ITGB8: variants seen among roughly 807,000 people sequenced by gnomAD.
The protein encoded by ITGB8 is integrin beta-8.
Under a neutral mutation model 89.5 loss-of-function variants are expected in ITGB8, and 30 were observed. That is an observed-to-expected ratio of 0.34 (90% CI 0.25 to 0.45). The LOEUF is 0.45. Among genes scored for constraint, ITGB8 ranks in the 20% least tolerant of loss-of-function variants. ITGB8 has a pLI of 1.00. For missense variants in ITGB8, 836 were observed against 933.3 expected, an observed-to-expected ratio of 0.90 and a Z score of 1.36; for synonymous variants, 335 against 320.4, an observed-to-expected ratio of 1.05 and a Z score of -0.49.
chr7:20,363,670 C>T lies in ITGB8; in HGVS notation c.161C>T (p.Ser54Phe). 1 of 1,604,570 alleles carries T rather than the reference C, an allele frequency of 6.2e-7. No homozygotes were observed. Among genetic ancestry groups the T allele is most frequent in the Non-Finnish European group, 8.5e-7 (1 of 1,177,006 alleles). The change falls in exon 2 of 14, where the codon TCC becomes TTC. Residue 54 changes from serine to phenylalanine, a missense_variant. Ser to Phe is a radical substitution (Grantham distance 155). This residue lies in a region of ITGB8 where 182 missense variants were observed against 177.0 expected (regional missense o/e 1.03). Transcript: ENST00000222573. Reference sequence around the variant, plus strand: ...AGATGTGCATCTTCAAATGCAGCATCCTGTGCCAGGTGCCTTGCGCTGGGT... The same window carrying T: ...AGATGTGCATCTTCAAATGCAGCATTCTGTGCCAGGTGCCTTGCGCTGGGT... Reference protein sequence around the residue: ...DNRCASSNAASCARCLALGPE... With the variant: ...DNRCASSNAAFCARCLALGPE...
chr7:20,346,220 A>G (rs1461531757), intron 1 of ITGB8, among the ~76,000 whole-genome samples: 2 of 152,184 alleles, frequency 1.3e-5, no homozygotes, highest in Admixed American at 1.3e-4. Flanking sequence ...TCATGAGGTC[A>G]GGGGAAGACA....
intron 3 of ITGB8, among the ~76,000 whole-genome samples, chr7:20,367,656 A>G (rs1785755906): frequency 6.6e-6 from 1 of 150,966 alleles, no homozygotes; most frequent in African/African-American, 2.4e-5. Flanking sequence ...TGTGATTAAA[A>G]GTTTATTACA....
At chr7:20,405,874 A>G (rs377354702) in intron 11 of ITGB8, among the ~76,000 whole-genome samples, 188 bp from the exon 12 acceptor site, 3 of 152,180 alleles carry the variant, frequency 2.0e-5, no homozygotes, top group Non-Finnish European at 4.4e-5. Flanking sequence ...AGAATTATGC[A>G]TGGTAATTTA....
At chr7:20,370,161 C>G (rs895936498) in intron 3 of ITGB8, among the ~76,000 whole-genome samples, 2 of 151,694 alleles carry the variant, frequency 1.3e-5, no homozygotes, top group Non-Finnish European at 2.9e-5. Flanking sequence ...AACCAGAGAG[C>G]TGGTTCTCTG....
chr7:20,352,529 A>C (rs145159080), intron 1 of ITGB8: 2 of 152,352 alleles, frequency 1.3e-5, no homozygotes, highest in African/African-American at 4.8e-5. Context: ...TCCACATCAA[A>C]TATACATGTA....
Position 20,355,709 on chromosome 7 carries a change from T to C in ITGB8, c.128-7928T>C, listed in dbSNP as rs79370739. Among the ~76,000 whole-genome samples the C allele has an allele frequency of 2.6e-4, 40 of 152,316 alleles. No individual in the cohort carries two copies. In the East Asian group the frequency reaches 7.7e-3, roughly 29 times the overall value. On this transcript the variant is annotated intron_variant, in intron 1 of 13. Transcript: ENST00000222573. Reference sequence around the variant, plus strand: ...GTCTGAATGCTTGTTTGCTACAAGTTTGAAACAAATTAAACACTGTGCTGT... The same window carrying C: ...GTCTGAATGCTTGTTTGCTACAAGTCTGAAACAAATTAAACACTGTGCTGT...
intron 6 of ITGB8, among the ~76,000 whole-genome samples, chr7:20,385,509 C>T (rs991198756): frequency 1.3e-5 from 2 of 152,144 alleles, no homozygotes; most frequent in Non-Finnish European, 2.9e-5. Context: ...TTCCTGCAGG[C>T]TCATTTGGAT....
intron 6 of ITGB8, among the ~76,000 whole-genome samples, chr7:20,391,197 A>T (rs1042981089): frequency 6.6e-6 from 1 of 152,040 alleles, no homozygotes; most frequent in African/African-American, 2.4e-5. Context: ...TTTAAGTTAC[A>T]GGTTTTTATG....
At chr7:20,363,754 G>A (rs752590355) in intron 2 of ITGB8, 32 bp downstream of exon 2, 1 of 1,346,882 alleles carries the variant, frequency 7.4e-7, no homozygotes, top group Non-Finnish European at 1.0e-6. Flanking sequence ...TTTTCTCATG[G>A]TTGACTTGAG....
Position 20,415,754 on chromosome 7 carries a change from A to G in ITGB8, c.*5757A>G, listed in dbSNP as rs567301525. On this transcript the variant is annotated 3_prime_UTR_variant, in exon 14 of 14. Coordinates refer to ENST00000222573, the MANE Select transcript of ITGB8 (RefSeq NM_002214.3). ...TTTAAAATAAAAATGTAAAAATCTA[A>G]GAATATGCAAAACGCTTCCTTATTT... 2 of 152,376 alleles carry G rather than the reference A, an allele frequency of 1.3e-5. No homozygotes were observed. The highest frequency in any genetic ancestry group is 4.1e-4 in the South Asian group (2 of 4,828). 9.4% of individuals were successfully genotyped at this position (152,376 alleles called of 1,614,324 possible).
chr7:20,361,095 T>C (rs1785485529), intron 1 of ITGB8, among the ~76,000 whole-genome samples: 1 of 152,154 alleles, frequency 6.6e-6, no homozygotes, highest in African/African-American at 2.4e-5. Context: ...TGCATTTCTC[T>C]AATGATCGGT....
intron 7 of ITGB8, 31 bp from the exon 8 acceptor site, chr7:20,394,865 A>C (rs1787006965): frequency 6.9e-7 from 1 of 1,447,058 alleles, no homozygotes; most frequent in Admixed American, 1.7e-5. Flanking sequence ...TACTATTGTC[A>C]TTGTTTAAAT....
At chr7:20,386,662 G>C (rs1055136445) in intron 6 of ITGB8, among the ~76,000 whole-genome samples, 1 of 151,948 alleles carries the variant, frequency 6.6e-6, no homozygotes, top group African/African-American at 2.4e-5. Flanking sequence ...TATTTAGTAG[G>C]AATTGTTTTA....
chr7:20,345,299 A>G (rs1784885986), intron 1 of ITGB8, among the ~76,000 whole-genome samples: 1 of 152,222 alleles, frequency 6.6e-6, no homozygotes, highest in East Asian at 1.9e-4. Context: ...AAGTGTGTGG[A>G]AAGTACCATT....
At chr7:20,377,573 G>A (rs1158003761) in intron 3 of ITGB8, among the ~76,000 whole-genome samples, 1 of 152,208 alleles carries the variant, frequency 6.6e-6, no homozygotes, top group Non-Finnish European at 1.5e-5. Context: ...CACTGCCACA[G>A]GAACAGTTCT....
chr7:20,401,121 G>C (rs1787291832), intron 9 of ITGB8, among the ~76,000 whole-genome samples: 1 of 152,066 alleles, frequency 6.6e-6, no homozygotes. Context: ...TGAGACTACA[G>C]GTGCGCGCCA....
At position 20,410,096 on chromosome 7, in the gene ITGB8, G is replaced by T. The variant is rs146719661; in HGVS notation, c.*99G>T. 46 of 1,207,742 alleles carry T rather than the reference G, an allele frequency of 3.8e-5. No homozygotes were observed. In the African/African-American group the frequency reaches 5.3e-4, roughly 14 times the overall value. The allele number at this position is 1,207,742 out of a possible 1,614,324, so 74.8% of individuals were successfully genotyped here. A position where few individuals can be genotyped will look rare whatever the true frequency, so the allele number is the denominator to read the frequency against. ...TCACAGGAGGAGACAAATTGCTCAC[G>T]GTCATGCCAGTTGCTGGTTGTACAC... On this transcript the variant is annotated 3_prime_UTR_variant, in exon 14 of 14. Transcript: ENST00000222573.
At chr7:20,398,772 T>A in intron 8 of ITGB8, 88 bp from the exon 9 acceptor site, 2 of 941,950 alleles carry the variant, frequency 2.1e-6, no homozygotes, top group Non-Finnish European at 3.0e-6. Context: ...TAAAATTAAA[T>A]CTATAATGAT....
intron 11 of ITGB8, among the ~76,000 whole-genome samples, chr7:20,405,359 A>G (rs3956540): frequency 0.67 from 99,982 of 148,960 alleles, 34,461 homozygotes; most frequent in East Asian, 0.99. Context: ...TCGCTCTGTC[A>G]CCCGGCTGGA....
Sources: allele counts gnomAD v4.1 joint callset (sites outside exome capture counted in the v4.1 genomes callset), GRCh38; gene constraint gnomAD v4.1.1; regional missense constraint gnomAD v4.1.1; transcripts MANE v1.5; gene names NCBI Gene and HGNC (gene_info 2026-07-23, HGNC 2026-07-21).